The following SPMIP9 variants were observed in gnomAD, a reference collection of about 807,000 sequenced individuals.
The protein encoded by SPMIP9 is sperm microtubule inner protein 9.
chr2:88,529,156 CAT>C, the SPMIP9 span: 2 of 1,614,226 alleles, frequency 1.2e-6, no homozygotes, highest in Non-Finnish European at 1.7e-6. Flanking sequence ...AAAGACCCCA[CAT>C]GACTGCCAAA....
At chr2:88,528,964 G>C in the SPMIP9 span, 1 of 1,331,418 alleles carries the variant, frequency 7.5e-7, no homozygotes, top group Non-Finnish European at 1.0e-6. Context: ...ATAAAGAAGG[G>C]TGTGCTCTGT....
the SPMIP9 span, chr2:88,526,476 C>A: frequency 6.2e-7 from 1 of 1,614,080 alleles, no homozygotes; most frequent in Non-Finnish European, 8.5e-7. Context: ...AGCACAAATA[C>A]TCCAGGGTCA....
the SPMIP9 span, chr2:88,526,574 A>G: frequency 2.6e-6 from 3 of 1,149,604 alleles, no homozygotes; most frequent in Non-Finnish European, 3.9e-6. Context: ...TGTATTACAA[A>G]TGTGGACATT....
the SPMIP9 span, among the ~76,000 whole-genome samples, chr2:88,528,119 A>C: frequency 6.6e-6 from 1 of 151,332 alleles, no homozygotes; most frequent in Admixed American, 6.6e-5. Context: ...CGTTCTAAAA[A>C]ATATTCTAAG....
At chr2:88,527,308 A>T in the SPMIP9 span, among the ~76,000 whole-genome samples, 2 of 152,094 alleles carry the variant, frequency 1.3e-5, no homozygotes, top group African/African-American at 4.8e-5. Context: ...AGCCTGGCTG[A>T]CATGGCGAAA....
chr2:88,528,541 A>C, the SPMIP9 span, among the ~76,000 whole-genome samples: 1 of 152,206 alleles, frequency 6.6e-6, no homozygotes, highest in African/African-American at 2.4e-5. Context: ...TCTAATTGTT[A>C]ATATAGTTAG....
At chr2:88,526,565 G>A in the SPMIP9 span, 1 of 1,244,628 alleles carries the variant, frequency 8.0e-7, no homozygotes, top group South Asian at 1.2e-5. Context: ...TGCTTCATTT[G>A]TATTACAAAT....
At chr2:88,528,968 G>T in the SPMIP9 span, 1 of 1,377,592 alleles carries the variant, frequency 7.3e-7, no homozygotes, top group South Asian at 1.4e-5. Context: ...AGAAGGGTGT[G>T]CTCTGTCTTG....
the SPMIP9 span, chr2:88,529,101 T>C: frequency 6.2e-7 from 1 of 1,614,048 alleles, no homozygotes; most frequent in Non-Finnish European, 8.5e-7. Context: ...TACAGGCCCA[T>C]CCCTAACCCC....
chr2:88,527,731 A>T, the SPMIP9 span, among the ~76,000 whole-genome samples: 95 of 152,314 alleles, frequency 6.2e-4, no homozygotes, highest in Middle Eastern at 6.8e-3. Context: ...CAAATGCTGC[A>T]TTGAAGATGA....
the SPMIP9 span, among the ~76,000 whole-genome samples, chr2:88,527,497 A>C: frequency 6.6e-6 from 1 of 152,096 alleles, no homozygotes; most frequent in Non-Finnish European, 1.5e-5. Context: ...TTTACCTTAT[A>C]TGTATATATT....
At chr2:88,529,068 C>T in the SPMIP9 span, 1 of 1,612,344 alleles carries the variant, frequency 6.2e-7, no homozygotes, top group Non-Finnish European at 8.5e-7. Context: ...AAGCTCGATG[C>T]TCAACTCCGG....
At chr2:88,529,103 C>T in the SPMIP9 span, 1 of 1,614,138 alleles carries the variant, frequency 6.2e-7, no homozygotes, top group Non-Finnish European at 8.5e-7. Flanking sequence ...CAGGCCCATC[C>T]CTAACCCCAA....
the SPMIP9 span, chr2:88,529,234 G>A: frequency 6.2e-7 from 1 of 1,614,180 alleles, no homozygotes; most frequent in East Asian, 2.2e-5. Flanking sequence ...ACGAGCGCAA[G>A]TTCACCAGCA....
At chr2:88,525,527 G>A in the SPMIP9 span, 24 of 1,151,244 alleles carry the variant, frequency 2.1e-5, no homozygotes, top group East Asian at 5.6e-4. Context: ...ATGGGGAGGA[G>A]TGGGCTAAGA....
chr2:88,528,905 C>T, the SPMIP9 span: 9 of 766,032 alleles, frequency 1.2e-5, no homozygotes, highest in South Asian at 1.8e-4. Context: ...TCAGCATTCC[C>T]TCTGTTGTAT....
chr2:88,528,983 C>T, the SPMIP9 span: 30 of 1,502,816 alleles, frequency 2.0e-5, no homozygotes, highest in Non-Finnish European at 2.6e-5. Context: ...GTCTTGGATG[C>T]TTCCAAGAAA....
the SPMIP9 span, among the ~76,000 whole-genome samples, chr2:88,525,214 A>G: frequency 1.3e-5 from 2 of 152,324 alleles, no homozygotes; most frequent in African/African-American, 4.8e-5. Flanking sequence ...CTCAGTGCCA[A>G]TGACATTATG....
chr2:88,525,295 G>A, the SPMIP9 span, among the ~76,000 whole-genome samples: 32 of 152,304 alleles, frequency 2.1e-4, 1 homozygote, highest in South Asian at 5.8e-3. Context: ...TAAACCCAGG[G>A]CCTATTTTCC....
Sources: gnomAD v4.1 joint callset for allele counts (sites outside exome capture counted in the v4.1 genomes callset) on GRCh38, gnomAD v4.1.1 for gene constraint, MANE v1.5 for transcripts, NCBI Gene and HGNC (gene_info 2026-07-23, HGNC 2026-07-21) for gene names.